LARGE1: variants seen among roughly 807,000 people sequenced by gnomAD.
The protein encoded by LARGE1 is LARGE xylosyl- and glucuronyltransferase 1, also known as xylosyl- and glucuronyltransferase LARGE1.
Under a neutral mutation model 87.6 loss-of-function variants are expected in LARGE1, and 43 were observed. The observed-to-expected ratio is 0.49, with a 90% confidence interval of 0.38 to 0.63. The LOEUF is 0.63. LARGE1 is among the 30% of genes least tolerant of loss of function. The pLI, the probability that LARGE1 is intolerant of heterozygous loss-of-function variation, is 0.00. For missense variants in LARGE1, 802 were observed against 1,000.2 expected (o/e 0.80, Z 2.67); for synonymous variants, 434 against 394.6 (o/e 1.10, Z -1.18).
intron 1 of LARGE1, among the ~76,000 whole-genome samples, chr22:33,797,062 C>T (rs1298487345): frequency 6.6e-6 from 1 of 152,044 alleles, no homozygotes; most frequent in Non-Finnish European, 1.5e-5. Flanking sequence ...CCATGCCTGG[C>T]CAGACTTGGG....
intron 9 of LARGE1, among the ~76,000 whole-genome samples, chr22:33,345,498 A>G (rs1251692192): frequency 1.3e-5 from 2 of 152,228 alleles, no homozygotes; most frequent in African/African-American, 4.8e-5. Context: ...GTCTGGCAGG[A>G]AGCAGAGAGA....
intron 2 of LARGE1, among the ~76,000 whole-genome samples, chr22:33,673,143 C>T (rs189923167): frequency 6.6e-6 from 1 of 152,142 alleles, no homozygotes; most frequent in Non-Finnish European, 1.5e-5. Context: ...GGCATGGTGG[C>T]GGGCGCCTGT....
rs576530521 is a variant in LARGE1, at chr22:33,289,329, T to C, written c.1731-5981A>G. ...GATACAATGGGAAGCCCTGTGAACA[T>C]AAGTGACTTGGAGCCAGACAGCAGC... On this transcript the variant is annotated intron_variant, in intron 12 of 14. Coordinates refer to ENST00000397394, the MANE Select transcript of LARGE1 (RefSeq NM_133642.5). Among the ~76,000 whole-genome samples, 110 of 152,272 alleles carry C rather than the reference T, an allele frequency of 7.2e-4. 3 individuals are homozygous for C. The South Asian group carries it at 0.014, about 19-fold the overall frequency.
At chr22:33,807,240 T>A (rs2086340906) in intron 1 of LARGE1, among the ~76,000 whole-genome samples, 2 of 152,164 alleles carry the variant, frequency 1.3e-5, no homozygotes, top group Non-Finnish European at 2.9e-5. Context: ...AGGAGGACAG[T>A]CATGTTACCC....
chr22:33,858,835 T>A (rs1294128599), intron 1 of LARGE1, among the ~76,000 whole-genome samples: 1 of 152,210 alleles, frequency 6.6e-6, no homozygotes, highest in Non-Finnish European at 1.5e-5. Context: ...ACGTGGCACA[T>A]ACACACCACG....
intron 2 of LARGE1, among the ~76,000 whole-genome samples, chr22:33,681,828 T>C (rs910224431): frequency 4.6e-5 from 7 of 152,254 alleles, no homozygotes; most frequent in Admixed American, 3.3e-4. Context: ...TTCAGGGTCA[T>C]CTGGACAGTC....
At chr22:33,741,677 G>A (rs1438204605) in intron 2 of LARGE1, among the ~76,000 whole-genome samples, 1 of 152,236 alleles carries the variant, frequency 6.6e-6, no homozygotes, top group East Asian at 1.9e-4. Context: ...GATGCCACAG[G>A]CAGGATGAGG....
intron 1 of LARGE1, among the ~76,000 whole-genome samples, chr22:33,884,575 G>C (rs1251942947): frequency 2.0e-5 from 3 of 152,214 alleles, no homozygotes; most frequent in Non-Finnish European, 4.4e-5. Context: ...GGCAAGACCA[G>C]ATTGGGGAGG....
intron 6 of LARGE1, among the ~76,000 whole-genome samples, chr22:33,560,294 G>A (rs2077816547): frequency 6.6e-6 from 1 of 152,152 alleles, no homozygotes; most frequent in African/African-American, 2.4e-5. Context: ...AAACATGTTA[G>A]TTGTAAGGAA....
At chr22:33,346,166 C>G (rs1014509196) in intron 9 of LARGE1, among the ~76,000 whole-genome samples, 1 of 152,056 alleles carries the variant, frequency 6.6e-6, no homozygotes, top group African/African-American at 2.4e-5. Flanking sequence ...TTTCCCTGTG[C>G]TCTCCCCCTT....
intron 10 of LARGE1, among the ~76,000 whole-genome samples, chr22:33,333,940 G>A (rs1339204817): frequency 1.3e-5 from 2 of 151,568 alleles, no homozygotes; most frequent in African/African-American, 2.4e-5. Flanking sequence ...CCGACACAGC[G>A]AAAACCTGTC....
At position 33,848,614 on chromosome 22, in the gene LARGE1, G is replaced by C. The variant is rs559185242; in HGVS notation, c.-83+71381C>G. Among the ~76,000 whole-genome samples, 12 of 152,232 alleles carry C rather than the reference G, an allele frequency of 7.9e-5. No homozygotes were observed. The East Asian group carries it at 2.1e-3, about 27-fold the overall frequency. ...CCGCGTTGTGCCAAAGATGCCCCACGCTCCTTGCACACTGCCAGACACTGG... is the reference window on the plus strand; with the variant it reads ...CCGCGTTGTGCCAAAGATGCCCCACCCTCCTTGCACACTGCCAGACACTGG... On this transcript the variant is annotated intron_variant, in intron 1 of 14. Transcript: ENST00000397394.
At chr22:33,527,449 C>T (rs1208126356) in intron 6 of LARGE1, among the ~76,000 whole-genome samples, 6 of 152,162 alleles carry the variant, frequency 3.9e-5, no homozygotes, top group Non-Finnish European at 8.8e-5. Context: ...CCAAGGCGAT[C>T]GGATTTATGT....
chr22:33,904,832 A>G (rs2065392960), intron 1 of LARGE1, among the ~76,000 whole-genome samples: 1 of 152,194 alleles, frequency 6.6e-6, no homozygotes, highest in Non-Finnish European at 1.5e-5. Flanking sequence ...TTTCATCAAC[A>G]TTTAAAGGAT....
chr22:33,134,399 C>A, the LARGE1 span, among the ~76,000 whole-genome samples: 1 of 151,910 alleles, frequency 6.6e-6, no homozygotes, highest in African/African-American at 2.4e-5. Context: ...GCTGGGACTA[C>A]AAGCGCCCGC....
the LARGE1 span, among the ~76,000 whole-genome samples, chr22:33,141,460 C>T: frequency 6.6e-6 from 1 of 151,954 alleles, no homozygotes; most frequent in African/African-American, 2.4e-5. Flanking sequence ...AAATTTATGG[C>T]AAAATAATTT....
chr22:33,307,486 T>A (rs532755732), intron 11 of LARGE1, among the ~76,000 whole-genome samples: 37 of 152,252 alleles, frequency 2.4e-4, no homozygotes, highest in African/African-American at 8.4e-4. Flanking sequence ...GCCTCCCCAC[T>A]CTTTCCCCTC....
chr22:33,632,081 C>G (rs139832876), intron 3 of LARGE1, among the ~76,000 whole-genome samples: 161 of 152,340 alleles, frequency 1.1e-3, no homozygotes, highest in Non-Finnish European at 2.0e-3. Context: ...CCAACTCACT[C>G]TCTACCCTTC....
intron 3 of LARGE1, among the ~76,000 whole-genome samples, chr22:33,635,354 G>C (rs1456613144): frequency 6.6e-6 from 1 of 152,018 alleles, no homozygotes; most frequent in Non-Finnish European, 1.5e-5. Flanking sequence ...TGCGGTCACT[G>C]GTCCACCCCT....
Sources: gnomAD v4.1 joint callset for allele counts (sites outside exome capture counted in the v4.1 genomes callset) on GRCh38, gnomAD v4.1.1 for gene constraint, MANE v1.5 for transcripts, NCBI Gene and HGNC (gene_info 2026-07-23, HGNC 2026-07-21) for gene names.